Variants in HPSE2 observed in about 807,000 individuals in gnomAD.
The protein encoded by HPSE2 is inactive heparanase-2.
A neutral mutation model predicts 60.5 loss-of-function variants in HPSE2; 38 were observed. The observed-to-expected ratio is 0.63, with a 90% CI of 0.48 to 0.82. The LOEUF (loss-of-function observed/expected upper bound fraction) is 0.82. Among genes scored for constraint, HPSE2 ranks in the 40% least tolerant of loss-of-function variants. The pLI is 0.00. For missense variants in HPSE2, 713 were observed against 740.4 expected (o/e 0.96, Z 0.43); for synonymous variants, 295 against 293.2 (o/e 1.01, Z -0.06).
chr10:98,823,694 A>C (rs1951476433), intron 3 of HPSE2, among the ~76,000 whole-genome samples: 1 of 152,216 alleles, frequency 6.6e-6, no homozygotes, highest in African/African-American at 2.4e-5. Context: ...AGAAGATATA[A>C]TTCTAAATTT....
chr10:98,828,354 T>G (rs1235776272), intron 3 of HPSE2, among the ~76,000 whole-genome samples: 1 of 152,214 alleles, frequency 6.6e-6, no homozygotes, highest in Non-Finnish European at 1.5e-5. Context: ...AAAGAATTTT[T>G]CCAAAGTCAC....
intron 3 of HPSE2, among the ~76,000 whole-genome samples, chr10:99,101,159 G>A (rs1843962907): frequency 6.6e-6 from 1 of 152,074 alleles, no homozygotes; most frequent in African/African-American, 2.4e-5. Flanking sequence ...AAATATAAAT[G>A]GGCTAAATGC....
intron 2 of HPSE2, among the ~76,000 whole-genome samples, chr10:99,174,060 C>A (rs1486332979): frequency 6.6e-6 from 1 of 151,758 alleles, no homozygotes; most frequent in Admixed American, 6.6e-5. Context: ...ACAAATAACA[C>A]CCTGAAATTG....
At chr10:99,293,837 C>A in the HPSE2 span, among the ~76,000 whole-genome samples, 3 of 152,250 alleles carry the variant, frequency 2.0e-5, no homozygotes, top group East Asian at 1.9e-4. Flanking sequence ...ATGTGCAGGG[C>A]ATGGCCTACA....
At chr10:99,200,948 T>C (rs1848556594) in intron 2 of HPSE2, among the ~76,000 whole-genome samples, 1 of 152,168 alleles carries the variant, frequency 6.6e-6, no homozygotes, top group Admixed American at 6.5e-5. Context: ...TCCTCAACTA[T>C]CAAATTGTCT....
At chr10:98,768,960 T>C (rs1348194245) in intron 3 of HPSE2, among the ~76,000 whole-genome samples, 1 of 152,062 alleles carries the variant, frequency 6.6e-6, no homozygotes, top group Non-Finnish European at 1.5e-5. Context: ...AGCAGGAGAA[T>C]TGCTTGAACC....
At chr10:98,771,878 T>C (rs775929356) in intron 3 of HPSE2, among the ~76,000 whole-genome samples, 2 of 152,080 alleles carry the variant, frequency 1.3e-5, no homozygotes, top group Non-Finnish European at 1.5e-5. Context: ...GACAGGTATG[T>C]ATAAAAGAGA....
Position 99,232,214 on chromosome 10 carries a change from T to TGCATACAC in HPSE2, c.448+133_448+134insGTGTATGC, listed in dbSNP as rs766277741. 2.6e-3 allele frequency: 2,365 copies of TGCATACAC among 898,210 alleles called. 31 individuals are homozygous for TGCATACAC. The African/African-American group carries it at 0.039, about 15-fold the overall frequency. 55.6% of individuals were successfully genotyped at this position (898,210 alleles called of 1,614,324 possible). On this transcript the variant is annotated intron_variant, in intron 2 of 11. Coordinates refer to ENST00000370552, the MANE Select transcript of HPSE2 (RefSeq NM_021828.5). Reference sequence around the variant, plus strand: ...ATCTGCCCCAACGCGCGCGCGCGCATACACACACACACACACACACACACA... The same window carrying TGCATACAC: ...ATCTGCCCCAACGCGCGCGCGCGCATGCATACACACACACACACACACACACACACACA...
At chr10:99,200,801 A>AT (rs1848550801) in intron 2 of HPSE2, among the ~76,000 whole-genome samples, 1 of 152,116 alleles carries the variant, frequency 6.6e-6, no homozygotes, top group Non-Finnish European at 1.5e-5. Flanking sequence ...CTACAGAAAG[A>AT]TTTTCCCCTC....
At chr10:98,953,351 G>C (rs1302599888) in intron 3 of HPSE2, among the ~76,000 whole-genome samples, 1 of 152,106 alleles carries the variant, frequency 6.6e-6, no homozygotes, top group East Asian at 1.9e-4. Flanking sequence ...GTCTAATCCA[G>C]TTCTGCCACT....
chr10:98,721,408 C>T (rs867511956), intron 5 of HPSE2, among the ~76,000 whole-genome samples: 5 of 151,926 alleles, frequency 3.3e-5, no homozygotes, highest in Non-Finnish European at 5.9e-5. Flanking sequence ...GTTTCCTTTC[C>T]AACCCATCCT....
the HPSE2 span, among the ~76,000 whole-genome samples, chr10:99,258,464 T>C: frequency 2.6e-5 from 4 of 152,068 alleles, no homozygotes; most frequent in African/African-American, 7.2e-5. Context: ...TCTCCCAAAA[T>C]AGTTCTGTAG....
At chr10:98,822,020 C>T (rs1418619392) in intron 3 of HPSE2, among the ~76,000 whole-genome samples, 3 of 152,140 alleles carry the variant, frequency 2.0e-5, no homozygotes, top group East Asian at 1.9e-4. Flanking sequence ...AACAAATTTA[C>T]GGTATGGTCC....
chr10:99,253,067 T>C, the HPSE2 span, among the ~76,000 whole-genome samples: 1 of 152,136 alleles, frequency 6.6e-6, no homozygotes, highest in Non-Finnish European at 1.5e-5. Context: ...CAAAGCAATC[T>C]ATAAATTCAA....
chr10:98,957,490 G>A (rs1174004072), intron 3 of HPSE2, among the ~76,000 whole-genome samples: 1 of 152,184 alleles, frequency 6.6e-6, no homozygotes, highest in African/African-American at 2.4e-5. Flanking sequence ...ATGGTAATAA[G>A]TTTAGATTGG....
At chr10:99,058,479 A>C (rs1958163655) in intron 3 of HPSE2, among the ~76,000 whole-genome samples, 1 of 152,184 alleles carries the variant, frequency 6.6e-6, no homozygotes, top group Non-Finnish European at 1.5e-5. Context: ...TGGTAGCCAA[A>C]AATGGCACTC....
At chr10:98,763,193 T>C (rs557318037) in intron 3 of HPSE2, among the ~76,000 whole-genome samples, 2 of 151,604 alleles carry the variant, frequency 1.3e-5, no homozygotes, top group Admixed American at 6.6e-5. Flanking sequence ...CAGTGAACTG[T>C]GAGACAATAT....
chr10:98,641,703 GT>G, intron 7 of HPSE2, 143 bp downstream of exon 7: 1 of 744,222 alleles, frequency 1.3e-6, no homozygotes, highest in Non-Finnish European at 2.5e-6. Flanking sequence ...TGGGGAGCTT[GT>G]GACCATGCCC....
At chr10:99,230,399 A>G (rs1414592669) in intron 2 of HPSE2, among the ~76,000 whole-genome samples, 2 of 152,210 alleles carry the variant, frequency 1.3e-5, no homozygotes, top group East Asian at 1.9e-4. Context: ...ATGAGTGGTG[A>G]AAAACTACAT....
Sources: gnomAD v4.1 joint callset for allele counts (sites outside exome capture counted in the v4.1 genomes callset) on GRCh38, gnomAD v4.1.1 for gene constraint, MANE v1.5 for transcripts, NCBI Gene and HGNC (gene_info 2026-07-23, HGNC 2026-07-21) for gene names.